Variants in CPA6 observed in about 807,000 individuals in gnomAD.
CPA6 encodes the protein carboxypeptidase B.
A neutral mutation model predicts 63.3 loss-of-function variants in CPA6; 58 were observed. The ratio of observed to expected loss-of-function variants is 0.92; its 90% CI spans 0.74 to 1.14. The LOEUF (loss-of-function observed/expected upper bound fraction) is 1.14, where lower values mean the gene tolerates loss of function less well. Ranked by LOEUF, CPA6 falls within the 50% of genes most tolerant of loss-of-function variation. CPA6 has a pLI of 0.00. For missense variants in CPA6, 565 were observed against 526.6 expected, an observed-to-expected ratio of 1.07 and a Z score of -0.71; for synonymous variants, 185 against 179.0, an observed-to-expected ratio of 1.03 and a Z score of -0.27.
At chr8:67,436,999 G>C (rs538338384) in intron 8 of CPA6, among the ~76,000 whole-genome samples, 2 of 152,174 alleles carry the variant, frequency 1.3e-5, no homozygotes, top group African/African-American at 4.8e-5. Context: ...GTCAAGAGTC[G>C]AGTGGGGAAC....
chr8:67,654,665 G>A (rs1331450359), intron 1 of CPA6, among the ~76,000 whole-genome samples: 2 of 151,984 alleles, frequency 1.3e-5, no homozygotes, highest in Non-Finnish European at 2.9e-5. Context: ...ACATGGGTTG[G>A]GGCAGAATTT....
chr8:67,532,935 A>C (rs906403024), intron 2 of CPA6, among the ~76,000 whole-genome samples: 1 of 152,210 alleles, frequency 6.6e-6, no homozygotes, highest in African/African-American at 2.4e-5. Flanking sequence ...TAAGTACAAT[A>C]AACGTCGTGG....
chr8:67,731,386 A>G (rs552178881), intron 1 of CPA6, among the ~76,000 whole-genome samples: 211 of 152,332 alleles, frequency 1.4e-3, no homozygotes, highest in African/African-American at 5.0e-3. Context: ...GCTGGTGCCC[A>G]TCCTCTCACT....
At chr8:67,650,050 C>G (rs1815801756) in intron 1 of CPA6, among the ~76,000 whole-genome samples, 1 of 152,022 alleles carries the variant, frequency 6.6e-6, no homozygotes. Context: ...TTTCCTTTTT[C>G]CTTTATTATT....
intron 10 of CPA6, among the ~76,000 whole-genome samples, chr8:67,422,955 C>T (rs1809801146): frequency 6.6e-6 from 1 of 152,196 alleles, no homozygotes; most frequent in Non-Finnish European, 1.5e-5. Flanking sequence ...AACCTCAATT[C>T]CAAAAACGTT....
chr8:67,589,762 C>T (rs914578595), intron 2 of CPA6, among the ~76,000 whole-genome samples: 2 of 152,036 alleles, frequency 1.3e-5, no homozygotes, highest in African/African-American at 4.8e-5. Flanking sequence ...CACTAGAAAG[C>T]TTCCCTATGC....
chr8:67,624,190 A>C lies in CPA6; in HGVS notation c.178T>G (p.Ser60Ala), dbSNP rs760649456. The change falls in exon 2 of 11, where the codon TCC becomes GCC. Residue 60 changes from serine (S) to alanine (A), a missense_variant. Physicochemically the swap from Ser to Ala is moderately conservative, Grantham distance 99 (BLOSUM62 1). Coordinates refer to ENST00000297770, the MANE Select transcript of CPA6 (RefSeq NM_020361.5). ...TGTTCTATTACCTTAAGTTGATAGG[A>C]TATTTTCTTCAGTGCATATGCTTCC... ...EEEAYALKKI[S>A]YQLKVDLWQP... is the part of the protein sequence containing the mutation. 2 of 1,547,594 alleles carry C rather than the reference A, an allele frequency of 1.3e-6. No individual in the cohort carries two copies. The highest frequency in any genetic ancestry group is 1.8e-6 in the Non-Finnish European group (2 of 1,121,256).
chr8:67,584,008 A>T (rs1389614815), intron 2 of CPA6, among the ~76,000 whole-genome samples: 1 of 151,882 alleles, frequency 6.6e-6, no homozygotes, highest in African/African-American at 2.4e-5. Context: ...ATACAAAAAA[A>T]CTTTCTGGGC....
intron 1 of CPA6, among the ~76,000 whole-genome samples, chr8:67,719,420 G>T (rs1817448746): frequency 6.6e-6 from 1 of 152,014 alleles, no homozygotes; most frequent in Admixed American, 6.6e-5. Flanking sequence ...GATCAGAACA[G>T]AATTTATTTC....
chr8:67,723,290 G>A (rs1050174570), intron 1 of CPA6, among the ~76,000 whole-genome samples: 1 of 152,170 alleles, frequency 6.6e-6, no homozygotes, highest in African/African-American at 2.4e-5. Flanking sequence ...TTTATCAAAA[G>A]GGTGTGAGGA....
At chr8:67,478,112 A>G (rs1811282015) in intron 8 of CPA6, among the ~76,000 whole-genome samples, 1 of 152,106 alleles carries the variant, frequency 6.6e-6, no homozygotes, top group Non-Finnish European at 1.5e-5. Flanking sequence ...GGGAAGGCTT[A>G]AGGTTAAGCC....
At chr8:67,491,616 G>T (rs1587487578) in intron 6 of CPA6, among the ~76,000 whole-genome samples, 1 of 151,982 alleles carries the variant, frequency 6.6e-6, no homozygotes, top group South Asian at 2.1e-4. Flanking sequence ...CACAGAGATA[G>T]CCTAACAACA....
chr8:67,466,813 T>C (rs909573764), intron 8 of CPA6, among the ~76,000 whole-genome samples: 9 of 152,232 alleles, frequency 5.9e-5, no homozygotes, highest in African/African-American at 2.2e-4. Flanking sequence ...CCTCGAATTC[T>C]GGCATTTTAG....
At chr8:67,457,523 T>A (rs75775262) in intron 8 of CPA6, among the ~76,000 whole-genome samples, 5,358 of 152,220 alleles carry the variant, frequency 0.035, 283 homozygotes, top group African/African-American at 0.12. Flanking sequence ...TCATTCTACC[T>A]TTCCAGTGCC....
At chr8:67,520,979 C>T (rs146708403) in intron 2 of CPA6, among the ~76,000 whole-genome samples, 3 of 152,274 alleles carry the variant, frequency 2.0e-5, no homozygotes, top group Non-Finnish European at 2.9e-5. Flanking sequence ...CTAATCAGCC[C>T]CCTGTGTGTA....
chr8:67,504,350 A>T (rs114508257), intron 6 of CPA6, among the ~76,000 whole-genome samples: 4,520 of 152,244 alleles, frequency 0.03, 225 homozygotes, highest in African/African-American at 0.1. Flanking sequence ...GCCCTGCATA[A>T]TTCCTTCCTC....
chr8:67,438,458 G>A (rs1467712118), intron 8 of CPA6, among the ~76,000 whole-genome samples: 2 of 152,108 alleles, frequency 1.3e-5, no homozygotes, highest in South Asian at 4.1e-4. Context: ...TTGAATCTAG[G>A]CTTCTATATC....
At chr8:67,475,883 TTTC>T (rs1563968046) in intron 8 of CPA6, among the ~76,000 whole-genome samples, 477 of 38,970 alleles carry the variant, frequency 0.012, 18 homozygotes, top group African/African-American at 0.037. Context: ...TTCTTTCTCC[TTTC>T]TTTCTTTCTT....
intron 2 of CPA6, among the ~76,000 whole-genome samples, chr8:67,621,679 C>G (rs1402358191): frequency 6.6e-6 from 1 of 152,186 alleles, no homozygotes; most frequent in African/African-American, 2.4e-5. Flanking sequence ...CTGAGAGGAG[C>G]TGGATGTGAC....
Sources: gnomAD v4.1 joint callset for allele counts (sites outside exome capture counted in the v4.1 genomes callset) on GRCh38, gnomAD v4.1.1 for gene constraint, MANE v1.5 for transcripts, NCBI Gene and HGNC (gene_info 2026-07-23, HGNC 2026-07-21) for gene names.